The following NEDD9 variants were observed in gnomAD, a reference collection of about 807,000 sequenced individuals.
NEDD9 encodes the protein neural precursor cell expressed, developmentally down-regulated 9, also known as enhancer of filamentation 1.
NEDD9 carries 26 observed loss-of-function variants against 76.6 expected under a neutral mutation model. The ratio of observed to expected loss-of-function variants is 0.34; its 90% CI spans 0.25 to 0.47. The LOEUF (loss-of-function observed/expected upper bound fraction) is 0.47, where lower values mean the gene tolerates loss of function less well. NEDD9 is among the 20% of genes least tolerant of loss of function. The pLI, the probability that NEDD9 is intolerant of heterozygous loss-of-function variation, is 1.00. For missense variants in NEDD9, 937 were observed against 1,058.5 expected (o/e 0.89, Z 1.59); for synonymous variants, 392 against 414.2 (o/e 0.95, Z 0.65).
At position 11,213,984 on chromosome 6, in the gene NEDD9, A is replaced by T. The variant is rs1385142467; in HGVS notation, c.13-257T>A. Among the ~76,000 whole-genome samples the T allele has an allele frequency of 6.6e-6, 1 of 152,252 alleles. No homozygotes were observed. The highest frequency in any genetic ancestry group is 2.4e-5 in the African/African-American group (1 of 41,472). ...GAAGAGTTCTTTCCTCTAGCAGGAT[A>T]TGCCGTGCCAAGGAATTATGAGTAG... is the stretch of plus-strand genomic sequence containing the variant. On this transcript the variant is annotated intron_variant, in intron 1 of 6. Coordinates refer to ENST00000379446, the MANE Select transcript of NEDD9 (RefSeq NM_006403.4). The surrounding 1 kb of genome is among the most constrained non-coding windows in gnomAD (Gnocchi z 5.4).
intron 2 of NEDD9, among the ~76,000 whole-genome samples, chr6:11,208,005 C>T (rs898450568): frequency 1.3e-5 from 2 of 152,078 alleles, no homozygotes; most frequent in Admixed American, 6.5e-5. Context: ...TGGCAAAACC[C>T]CGTCTCTACT....
intron 3 of NEDD9, among the ~76,000 whole-genome samples, chr6:11,267,360 C>T (rs1251170012): frequency 6.7e-6 from 1 of 148,662 alleles, no homozygotes; most frequent in East Asian, 2.0e-4. Flanking sequence ...TGGTCTGAAG[C>T]TTTGATAAGG....
At position 11,241,847 on chromosome 6, in the gene NEDD9, G is replaced by C. The variant is rs547895890; in HGVS notation, c.13-28120C>G. ...GCCCCGGGCCCAGAGCCTCTGGCCT[G>C]TCCGGCCAGCCCAAGCAGCCGCCAG... On this transcript the variant is annotated intron_variant, in intron 3 of 3. Transcript: ENST00000397378. This position sits in a 1 kb window ranked among gnomAD's most constrained non-coding sequence, Gnocchi z 4.0. Among the ~76,000 whole-genome samples, 6 of 152,314 alleles carry C rather than the reference G, an allele frequency of 3.9e-5. No homozygotes were observed. In the East Asian group the frequency reaches 1.2e-3, roughly 29 times the overall value.
chr6:11,337,441 T>G (rs80054691), intron 1 of NEDD9, among the ~76,000 whole-genome samples: 2,377 of 152,318 alleles, frequency 0.016, 65 homozygotes, highest in African/African-American at 0.051. Context: ...TGCAGTAGTT[T>G]TGTTGACACC....
intron 2 of NEDD9, among the ~76,000 whole-genome samples, chr6:11,331,750 T>C (rs1360338909): frequency 6.6e-6 from 1 of 152,214 alleles, no homozygotes; most frequent in Non-Finnish European, 1.5e-5. Context: ...TGTTGTGGAA[T>C]AAGGTCAATT....
chr6:11,215,377 T>G (rs1758923191), intron 1 of NEDD9, among the ~76,000 whole-genome samples: 1 of 152,180 alleles, frequency 6.6e-6, no homozygotes, highest in Non-Finnish European at 1.5e-5. Flanking sequence ...AAGGTTTCAC[T>G]GGGTAGTTAA....
At chr6:11,349,134 G>T (rs1762417092) in intron 1 of NEDD9, among the ~76,000 whole-genome samples, 1 of 152,132 alleles carries the variant, frequency 6.6e-6, no homozygotes, top group Admixed American at 6.5e-5. Flanking sequence ...CTTTTCAAAA[G>T]AAGACATACA....
At chr6:11,233,296 G>A (rs867673667), upstream of NEDD9, 7 of 518,926 alleles carry the variant, frequency 1.3e-5, no homozygotes, top group Middle Eastern at 3.2e-4. Context: ...TTAGTGAAAA[G>A]GAACCCTCTA....
chr6:11,266,845 G>A (rs1188580105), intron 3 of NEDD9, among the ~76,000 whole-genome samples: 3 of 152,178 alleles, frequency 2.0e-5, no homozygotes, highest in African/African-American at 7.2e-5. Flanking sequence ...CCAATGGTCC[G>A]GATCAATTGC....
intron 2 of NEDD9, among the ~76,000 whole-genome samples, chr6:11,207,125 G>A (rs1183315290): frequency 6.6e-6 from 1 of 152,210 alleles, no homozygotes; most frequent in Non-Finnish European, 1.5e-5. Flanking sequence ...GTATAGGCAA[G>A]GAACAGGAGA....
chr6:11,313,416 AATAG>A (rs1326461449), intron 2 of NEDD9, among the ~76,000 whole-genome samples: 57 of 134,206 alleles, frequency 4.2e-4, no homozygotes, highest in African/African-American at 1.4e-3. Context: ...TGGATAGATG[AATAG>A]ATGGATGGGT....
chr6:11,293,792 C>A (rs1760828759), intron 3 of NEDD9, among the ~76,000 whole-genome samples: 1 of 152,156 alleles, frequency 6.6e-6, no homozygotes, highest in African/African-American at 2.4e-5. Context: ...CTTTCCAATC[C>A]TCCCAGTCCC....
Position 11,369,982 on chromosome 6 carries a change from T to C in NEDD9, c.-214+12157A>G, listed in dbSNP as rs187135426. Among the ~76,000 whole-genome samples, 6 of 152,342 alleles carry C rather than the reference T, an allele frequency of 3.9e-5. No individual in the cohort carries two copies. In the East Asian group the frequency reaches 1.2e-3, roughly 29 times the overall value. On this transcript the variant is annotated intron_variant, in intron 1 of 3. Transcript: ENST00000397378. ...AATAGGGAGTGTTGGGCCAAGTGGC[T>C]CTTCTGTGCAATTAAGAAAGAAATT...
At chr6:11,247,231 C>T (rs1354350964) in intron 3 of NEDD9, among the ~76,000 whole-genome samples, 1 of 152,178 alleles carries the variant, frequency 6.6e-6, no homozygotes, top group Admixed American at 6.5e-5. Flanking sequence ...TCAAGTCTGT[C>T]CTCCTAAAAT....
chr6:11,372,357 C>T (rs1762893069), intron 1 of NEDD9, among the ~76,000 whole-genome samples: 3 of 152,116 alleles, frequency 2.0e-5, no homozygotes, highest in Non-Finnish European at 4.4e-5. Context: ...GTGAATAGTA[C>T]TCCATTGTGT....
chr6:11,320,157 T>G (rs950853651), intron 2 of NEDD9, among the ~76,000 whole-genome samples: 1 of 152,036 alleles, frequency 6.6e-6, no homozygotes, highest in Admixed American at 6.6e-5. Flanking sequence ...CCGCTCTTTC[T>G]CCCCCAGTCC....
rs968220631 is a variant in NEDD9, at chr6:11,276,460, A to G, written c.12+29532T>C. Among the ~76,000 whole-genome samples the G allele has an allele frequency of 7.2e-5, 11 of 152,272 alleles. No homozygotes were observed. In the South Asian group the frequency reaches 2.3e-3, roughly 32 times the overall value. On this transcript the variant is annotated intron_variant, in intron 3 of 3. Coordinates refer to the NEDD9 transcript ENST00000397378. ...GCTGAGTCTTCTCTCCTTATCTAAA[A>G]TGTAAGTTCCTTGAGGGTAGGGATT... is the stretch of plus-strand genomic sequence containing the variant.
intron 2 of NEDD9, among the ~76,000 whole-genome samples, chr6:11,194,116 A>C (rs1339757985): frequency 6.6e-6 from 1 of 152,106 alleles, no homozygotes; most frequent in Admixed American, 6.6e-5. Context: ...TCAGCCCCCA[A>C]AAGTGCAGGG....
intron 3 of NEDD9, among the ~76,000 whole-genome samples, chr6:11,283,459 A>T (rs1019831936): frequency 1.3e-5 from 2 of 152,222 alleles, no homozygotes; most frequent in Non-Finnish European, 2.9e-5. Flanking sequence ...CCATCCTGTT[A>T]TTGTAGATCA....
Sources: allele counts gnomAD v4.1 joint callset (sites outside exome capture counted in the v4.1 genomes callset), GRCh38; gene constraint gnomAD v4.1.1; non-coding constraint Gnocchi (gnomAD v3.1); transcripts MANE v1.5; gene names NCBI Gene and HGNC (gene_info 2026-07-23, HGNC 2026-07-21).